Variants in ARHGAP15 observed in about 807,000 individuals in gnomAD.
The protein encoded by ARHGAP15 is Rho GTPase activating protein 15, also known as rho GTPase-activating protein 15.
A neutral mutation model predicts 63.7 loss-of-function variants in ARHGAP15; 51 were observed. The ratio of observed to expected loss-of-function variants is 0.80; its 90% CI spans 0.64 to 1.01. The LOEUF is 1.01. ARHGAP15 is among the 50% of genes least tolerant of loss of function. The probability of loss-of-function intolerance (pLI) is 0.00; values close to 1 mark genes in which losing one functional copy is unlikely to be tolerated. For synonymous variants in ARHGAP15, 191 were observed against 193.8 expected, an observed-to-expected ratio of 0.99 and a Z score of 0.12; for missense variants, 560 against 564.6, an observed-to-expected ratio of 0.99 and a Z score of 0.08.
At chr2:143,636,532 G>A (rs7559052) in intron 12 of ARHGAP15, among the ~76,000 whole-genome samples, 10,986 of 152,152 alleles carry the variant, frequency 0.072, 727 homozygotes, top group East Asian at 0.33. Flanking sequence ...GGCCCCCTCC[G>A]TGTTAACTGA....
chr2:143,763,948 C>CTACAAG lies in ARHGAP15; in HGVS notation c.1245-4039_1245-4038insCAAGTA, dbSNP rs1210151098. ...AGTTACTACAAGTAACTTGATTTTC[C>CTACAAG]TAACTCAGGAAAAAAATTTCAAGCT... On this transcript the variant is annotated intron_variant, in intron 13 of 13. Coordinates refer to ENST00000295095, the MANE Select transcript of ARHGAP15 (RefSeq NM_018460.4). Among the ~76,000 whole-genome samples, 3 of 150,938 alleles carry CTACAAG rather than the reference C, an allele frequency of 2.0e-5. No individual in the cohort carries two copies. In the East Asian group the frequency reaches 5.8e-4, roughly 29 times the overall value.
At position 143,200,771 on chromosome 2, in the gene ARHGAP15, G is replaced by A. The variant is rs374477456; in HGVS notation, c.166-1363G>A. ...AGATTTATTTTAATTTGTTCTAAAA[G>A]TACATAAGAAAGTGTGATTTTTGAG... On this transcript the variant is annotated intron_variant, in intron 2 of 13. Transcript: ENST00000295095. Among the ~76,000 whole-genome samples the A allele has an allele frequency of 3.3e-5, 5 of 152,092 alleles. No homozygotes were observed. The South Asian group carries it at 1.0e-3, about 32-fold the overall frequency.
chr2:143,682,078 G>A (rs1355778787), intron 12 of ARHGAP15, among the ~76,000 whole-genome samples: 1 of 152,116 alleles, frequency 6.6e-6, no homozygotes, highest in African/African-American at 2.4e-5. Context: ...CATAATGTAT[G>A]CATTATTAAT....
At chr2:143,718,320 A>AG (rs1684900605) in intron 13 of ARHGAP15, among the ~76,000 whole-genome samples, 2 of 152,158 alleles carry the variant, frequency 1.3e-5, no homozygotes, top group African/African-American at 2.4e-5. Context: ...GAGAGTCCCT[A>AG]GGGGGCAAAG....
intron 8 of ARHGAP15, among the ~76,000 whole-genome samples, chr2:143,469,278 C>A (rs1457143811): frequency 6.6e-6 from 1 of 152,094 alleles, no homozygotes. Context: ...TCACAGGTAG[C>A]ATGCTAGAAT....
At chr2:143,302,673 C>T (rs192828956) in intron 6 of ARHGAP15, among the ~76,000 whole-genome samples, 13 of 152,064 alleles carry the variant, frequency 8.5e-5, no homozygotes, top group East Asian at 3.9e-4. Flanking sequence ...TATCCACCCC[C>T]GCCCATTAGA....
At chr2:143,687,833 ACTC>A (rs1323278129) in intron 12 of ARHGAP15, among the ~76,000 whole-genome samples, 1 of 152,178 alleles carries the variant, frequency 6.6e-6, no homozygotes, top group East Asian at 1.9e-4. Flanking sequence ...AAGAATCCAT[ACTC>A]CTATTATTTA....
intron 13 of ARHGAP15, among the ~76,000 whole-genome samples, chr2:143,716,744 T>C (rs890381489): frequency 6.6e-6 from 1 of 152,232 alleles, no homozygotes; most frequent in South Asian, 2.1e-4. Flanking sequence ...CAATACTCGA[T>C]TGTGTTTCCA....
At chr2:143,726,881 T>C (rs959185996) in intron 13 of ARHGAP15, among the ~76,000 whole-genome samples, 1 of 152,206 alleles carries the variant, frequency 6.6e-6, no homozygotes, top group African/African-American at 2.4e-5. Context: ...TTTGCTGTCA[T>C]TGATAAAGGG....
chr2:143,273,051 T>C (rs747885424), intron 6 of ARHGAP15, among the ~76,000 whole-genome samples: 4 of 115,074 alleles, frequency 3.5e-5, no homozygotes, highest in Non-Finnish European at 7.5e-5. Flanking sequence ...TATAATTTCA[T>C]TGTTCTTGTG....
intron 8 of ARHGAP15, among the ~76,000 whole-genome samples, chr2:143,446,100 A>G (rs1480756861): frequency 6.7e-6 from 1 of 149,992 alleles, no homozygotes; most frequent in Non-Finnish European, 1.5e-5. Flanking sequence ...GACTTTGACA[A>G]GTTTCTTAAG....
At chr2:143,664,930 T>G (rs1217017933) in intron 12 of ARHGAP15, among the ~76,000 whole-genome samples, 8 of 151,452 alleles carry the variant, frequency 5.3e-5, no homozygotes, top group African/African-American at 1.7e-4. Flanking sequence ...AATCAATAGT[T>G]TACCAACCAA....
chr2:143,268,754 T>G (rs1436574095), intron 6 of ARHGAP15, among the ~76,000 whole-genome samples: 1 of 152,060 alleles, frequency 6.6e-6, no homozygotes, highest in Non-Finnish European at 1.5e-5. Flanking sequence ...AAAGTAAAAA[T>G]CCGTATATTA....
intron 12 of ARHGAP15, among the ~76,000 whole-genome samples, chr2:143,659,406 A>AAATTT (rs1173351367): frequency 2.0e-5 from 3 of 152,230 alleles, no homozygotes; most frequent in African/African-American, 7.2e-5. Flanking sequence ...TTTATTCATT[A>AAATTT]AATTTTTTTA....
chr2:143,458,648 T>C (rs560051766), intron 8 of ARHGAP15, among the ~76,000 whole-genome samples: 14 of 152,322 alleles, frequency 9.2e-5, no homozygotes, highest in Admixed American at 7.2e-4. Context: ...ATCATTAAGA[T>C]AGACATCATT....
At chr2:143,284,260 G>A (rs1392970737) in intron 6 of ARHGAP15, among the ~76,000 whole-genome samples, 1 of 152,194 alleles carries the variant, frequency 6.6e-6, no homozygotes, top group East Asian at 1.9e-4. Context: ...TGGGGCCTTG[G>A]CCCTGTTTTA....
At chr2:143,226,434 G>A (rs1693215962) in intron 4 of ARHGAP15, among the ~76,000 whole-genome samples, 2 of 152,210 alleles carry the variant, frequency 1.3e-5, no homozygotes, top group Non-Finnish European at 2.9e-5. Flanking sequence ...TCGTGTGTGA[G>A]GGTGTTCTGT....
chr2:143,522,715 A>T (rs546581204), intron 10 of ARHGAP15, among the ~76,000 whole-genome samples: 1 of 152,304 alleles, frequency 6.6e-6, no homozygotes, highest in East Asian at 1.9e-4. Flanking sequence ...AAAAATGCAG[A>T]AAATCTCATA....
intron 1 of ARHGAP15, among the ~76,000 whole-genome samples, chr2:143,148,461 A>T (rs1423237758): frequency 6.6e-6 from 1 of 152,084 alleles, no homozygotes; most frequent in Non-Finnish European, 1.5e-5. Context: ...GTTAAGAGCT[A>T]AGAAAGATCA....
Sources: gnomAD v4.1 joint callset for allele counts (sites outside exome capture counted in the v4.1 genomes callset) on GRCh38, gnomAD v4.1.1 for gene constraint, MANE v1.5 for transcripts, NCBI Gene and HGNC (gene_info 2026-07-23, HGNC 2026-07-21) for gene names.